Variants in ZHX3 observed in about 807,000 individuals in gnomAD.
The protein encoded by ZHX3 is zinc fingers and homeoboxes 3.
A neutral mutation model predicts 64.5 loss-of-function variants in ZHX3; 20 were observed. That is an observed-to-expected ratio of 0.31 (90% CI 0.22 to 0.45). The LOEUF (loss-of-function observed/expected upper bound fraction) is 0.45, where lower values mean the gene tolerates loss of function less well. Ranked by LOEUF, ZHX3 falls within the 20% of genes least tolerant of loss-of-function variation. ZHX3 has a pLI of 1.00. For missense variants in ZHX3, 1,041 were observed against 1,195.8 expected, an observed-to-expected ratio of 0.87 and a Z score of 1.91; for synonymous variants, 423 against 461.6, an observed-to-expected ratio of 0.92 and a Z score of 1.07.
rs560861682 is a variant in ZHX3, at chr20:41,221,604, T to C, written c.-150-16538A>G. Among the ~76,000 whole-genome samples, 10 of 152,302 alleles carry C rather than the reference T, an allele frequency of 6.6e-5. 3 individuals are homozygous for C. Among genetic ancestry groups the C allele is most frequent in the African/African-American group, 2.4e-4 (10 of 41,568 alleles). The stretch of plus-strand genomic sequence containing the variant: ...TAAATAAAATAAGAAAATGAAATTA[T>C]GTGTCAGAGCAAAAAGTGGAAGAAA... On this transcript the variant is annotated intron_variant, in intron 2 of 3. Transcript: ENST00000683867.
At chr20:41,295,616 C>G (rs961222015) in intron 1 of ZHX3, among the ~76,000 whole-genome samples, 1 of 152,024 alleles carries the variant, frequency 6.6e-6, no homozygotes, top group African/African-American at 2.4e-5. Context: ...CCTGTAATCC[C>G]AGCACTTTGG....
intron 1 of ZHX3, among the ~76,000 whole-genome samples, 170 bp from the exon 2 acceptor site, chr20:41,269,253 T>G (rs1437203332): frequency 6.6e-6 from 1 of 152,186 alleles, no homozygotes; most frequent in East Asian, 1.9e-4. Flanking sequence ...AACTAGCAAT[T>G]TGAAACTATT....
At position 41,204,650 on chromosome 20, in the gene ZHX3, C is replaced by T. The variant is rs1272834231; in HGVS notation, c.267G>A (p.Met89Ile). Residue 89 changes from methionine (M) to isoleucine (I), a missense_variant, in exon 3 of 4, where the codon ATG (methionine) becomes ATA (isoleucine). Around this residue, in one of 4 missense-constraint regions of ZHX3, gnomAD observed 358 missense variants for 369.1 expected, o/e 0.97. Coordinates refer to ENST00000683867, the MANE Select transcript of ZHX3 (RefSeq NM_001384317.1). This position sits in a 1 kb window ranked among gnomAD's most constrained non-coding sequence, Gnocchi z 6.6. ...CKYCDFRSHD[M>I]TQFVGHMNSE... ...AGTTCATATGTCCCACAAATTGGGT[C>T]ATGTCATGGGATCTGAAATCGCAGT... 1 of 1,614,186 alleles carries T rather than the reference C, an allele frequency of 6.2e-7. No homozygotes were observed. The highest frequency in any genetic ancestry group is 1.1e-5 in the South Asian group (1 of 91,042).
intron 1 of ZHX3, among the ~76,000 whole-genome samples, chr20:41,284,824 C>G (rs2043856457): frequency 6.6e-6 from 1 of 152,110 alleles, no homozygotes; most frequent in Non-Finnish European, 1.5e-5. Flanking sequence ...AAACTAACCA[C>G]CCCTCTCTCC....
At chr20:41,231,877 A>G (rs561610165) in intron 2 of ZHX3, among the ~76,000 whole-genome samples, 10 of 152,374 alleles carry the variant, frequency 6.6e-5, no homozygotes, top group African/African-American at 2.2e-4. Flanking sequence ...GCAACACATT[A>G]ATCAATAATA....
intron 2 of ZHX3, among the ~76,000 whole-genome samples, chr20:41,250,915 G>A (rs1263616950): frequency 6.6e-6 from 1 of 152,202 alleles, no homozygotes; most frequent in African/African-American, 2.4e-5. Flanking sequence ...GGGAGGCCAA[G>A]GCAGGCAGAT....
chr20:41,243,866 T>C (rs532591016), intron 2 of ZHX3, among the ~76,000 whole-genome samples: 14 of 151,080 alleles, frequency 9.3e-5, no homozygotes, highest in African/African-American at 3.2e-4. Context: ...CTGACTGGAG[T>C]GAGGATGAAG....
At chr20:41,300,439 A>C (rs557176535) in intron 1 of ZHX3, among the ~76,000 whole-genome samples, 1 of 152,330 alleles carries the variant, frequency 6.6e-6, no homozygotes, top group Admixed American at 6.5e-5. Context: ...AAGTATAGAT[A>C]CCTTCATTAT....
At chr20:41,234,357 C>G (rs1008864079) in intron 2 of ZHX3, among the ~76,000 whole-genome samples, 8 of 152,220 alleles carry the variant, frequency 5.3e-5, no homozygotes, top group African/African-American at 1.9e-4. Context: ...AGGGCAGAAC[C>G]TTGGACCTAT....
intron 1 of ZHX3, among the ~76,000 whole-genome samples, chr20:41,299,515 G>A (rs2044708611): frequency 6.6e-6 from 1 of 152,086 alleles, no homozygotes; most frequent in Non-Finnish European, 1.5e-5. Context: ...GAGTGAATTT[G>A]GAGCTGAGAA....
In ZHX3 at chr20:41,181,452, T is replaced by C. The variant is rs2036248604; in HGVS notation, c.*3739A>G. 6.6e-6 allele frequency: 1 copy of C among 152,152 alleles called. No homozygotes were observed. The highest frequency in any genetic ancestry group is 1.5e-5 in the Non-Finnish European group (1 of 68,034). The allele number at this position is 152,152 out of a possible 1,614,324, so 9.4% of individuals were successfully genotyped here. On this transcript the variant is annotated 3_prime_UTR_variant, in exon 4 of 4. Coordinates refer to ENST00000683867, the MANE Select transcript of ZHX3 (RefSeq NM_001384317.1). ...TTTTAAAATTTTCTTCTTGGCTGGC[T>C]CTCCTCTCCTGCAAGTTGCCTTTAT...
chr20:41,186,696 A>T (rs559395277), intron 3 of ZHX3, among the ~76,000 whole-genome samples: 1 of 147,150 alleles, frequency 6.8e-6, no homozygotes, highest in Non-Finnish European at 1.5e-5. Flanking sequence ...CTTAAGTGTG[A>T]AGTGGTATCA....
At chr20:41,253,169 G>A (rs952492126) in intron 2 of ZHX3, among the ~76,000 whole-genome samples, 5 of 151,498 alleles carry the variant, frequency 3.3e-5, no homozygotes, top group Admixed American at 6.6e-5. Context: ...ATACTTTAGC[G>A]TATATTATTT....
At chr20:41,305,183 CTTAG>C (rs1218020091) in intron 1 of ZHX3, among the ~76,000 whole-genome samples, 3 of 152,210 alleles carry the variant, frequency 2.0e-5, no homozygotes, top group Non-Finnish European at 4.4e-5. Context: ...AACGAAATGT[CTTAG>C]TTGTTCAGTG....
At chr20:41,235,440 A>G (rs2040912532) in intron 2 of ZHX3, among the ~76,000 whole-genome samples, 1 of 152,222 alleles carries the variant, frequency 6.6e-6, no homozygotes, top group African/African-American at 2.4e-5. Context: ...AGTTGGCTTC[A>G]TACCTAGGAT....
Position 41,183,782 on chromosome 20 carries a change from C to A in ZHX3, c.*1409G>T, listed in dbSNP as rs186965052. 6.6e-6 allele frequency: 1 copy of A among 152,216 alleles called. No homozygotes were observed. Among genetic ancestry groups the A allele is most frequent in the African/African-American group, 2.4e-5 (1 of 41,444 alleles). The allele number at this position is 152,216 out of a possible 1,614,324, so 9.4% of individuals were successfully genotyped here. ...TTAGTTCGCCCCTCTTTACCAGCTA[C>A]TCTCAGAGCAACCGGTCTTGGGGAA... is the stretch of plus-strand genomic sequence containing the variant. On this transcript the variant is annotated 3_prime_UTR_variant, in exon 4 of 4. Transcript: ENST00000683867. This position sits in a 1 kb window ranked among gnomAD's most constrained non-coding sequence, Gnocchi z 5.3.
intron 3 of ZHX3, among the ~76,000 whole-genome samples, chr20:41,198,128 C>A (rs2037911235): frequency 6.6e-6 from 1 of 151,652 alleles, no homozygotes; most frequent in African/African-American, 2.4e-5. Flanking sequence ...CCTCAGCCTC[C>A]CAAGTAGCTG....
chr20:41,212,370 C>A lies in ZHX3; in HGVS notation c.-150-7304G>T, dbSNP rs991973634. On this transcript the variant is annotated intron_variant, in intron 2 of 3. Coordinates refer to ENST00000683867, the MANE Select transcript of ZHX3 (RefSeq NM_001384317.1). The surrounding 1 kb of genome is among the most constrained non-coding windows in gnomAD (Gnocchi z 4.3). ...CCCACCAAGATGGCTGTAATTACAG[C>A]GACAGATAACAAGTATAGATGAGGA... is the stretch of plus-strand genomic sequence containing the variant. Among the ~76,000 whole-genome samples the A allele has an allele frequency of 1.3e-5, 2 of 151,992 alleles. No individual in the cohort carries two copies. The highest frequency in any genetic ancestry group is 4.8e-5 in the African/African-American group (2 of 41,368).
chr20:41,187,619 A>G (rs946371835), intron 3 of ZHX3, among the ~76,000 whole-genome samples: 1 of 151,962 alleles, frequency 6.6e-6, no homozygotes, highest in Admixed American at 6.6e-5. Flanking sequence ...ATTTTATTCC[A>G]TTGGTTTTGT....
Sources: allele counts gnomAD v4.1 joint callset (sites outside exome capture counted in the v4.1 genomes callset), GRCh38; gene constraint gnomAD v4.1.1; regional missense constraint gnomAD v4.1.1; non-coding constraint Gnocchi (gnomAD v3.1); transcripts MANE v1.5; gene names NCBI Gene and HGNC (gene_info 2026-07-23, HGNC 2026-07-21).